The following PLEKHH1 variants were observed in gnomAD, a reference collection of about 807,000 sequenced individuals.
PLEKHH1 encodes the protein pleckstrin homology, MyTH4 and FERM domain containing H1, also known as pleckstrin homology domain-containing family H member 1.
Under a neutral mutation model 160.0 loss-of-function variants are expected in PLEKHH1, and 104 were observed. The observed-to-expected ratio is 0.65, with a 90% confidence interval of 0.55 to 0.76. PLEKHH1 has a LOEUF of 0.76. PLEKHH1 is among the 30% of genes least tolerant of loss of function. The probability of loss-of-function intolerance (pLI) is 0.00; values close to 1 mark genes in which losing one functional copy is unlikely to be tolerated. For missense variants in PLEKHH1, 1,427 were observed against 1,724.1 expected, an observed-to-expected ratio of 0.83 and a Z score of 3.05; for synonymous variants, 619 against 678.4, an observed-to-expected ratio of 0.91 and a Z score of 1.36.
rs377474422 is a variant in PLEKHH1, at chr14:67,562,487, C to T, written c.856C>T (p.Leu286=). Residue 286 remains leucine, a synonymous_variant, in exon 7 of 29, where the codon CTG becomes TTG. Transcript: ENST00000329153. ...RCSSASWGEG[L]VTAQRGMLPG... ...TAGTTCAGCTTCCTGGGGTGAGGGT[C>T]TGGTTACTGCTCAGAGAGGGATGCT... 101 of 1,613,182 alleles carry T rather than the reference C, an allele frequency of 6.3e-5. No homozygotes were observed. The highest frequency in any genetic ancestry group is 8.1e-5 in the Non-Finnish European group (96 of 1,179,320).
rs139753132 is a variant in PLEKHH1 at position 67,559,554 on chromosome 14, A to T, written c.340-54A>T. ...TTCTTGGGGTTTCCCACCTCCAGTCAGTCACTCTCCTGGTGATTGTTGGGA... is the reference window on the plus strand; with the variant it reads ...TTCTTGGGGTTTCCCACCTCCAGTCTGTCACTCTCCTGGTGATTGTTGGGA... On this transcript the variant is annotated intron_variant, in intron 4 of 28. Transcript: ENST00000329153. 208 of 1,272,862 alleles carry T rather than the reference A, an allele frequency of 1.6e-4. 2 individuals carry two copies. The African/African-American group carries it at 2.7e-3, about 17-fold the overall frequency. The allele number at this position is 1,272,862 out of a possible 1,614,324, so 78.8% of individuals were successfully genotyped here.
Position 67,587,348 on chromosome 14 carries a change from C to A in PLEKHH1, c.*113C>A. On this transcript the variant is annotated 3_prime_UTR_variant, in exon 29 of 29. Transcript: ENST00000329153. ...CTAACAGCCCCCGGCTACTCTTGTTCTGTGAAATGTGTATTTTAGTCTCTG... is the reference window on the plus strand; with the variant it reads ...CTAACAGCCCCCGGCTACTCTTGTTATGTGAAATGTGTATTTTAGTCTCTG... 2.5e-6 allele frequency: 3 copies of A among 1,195,340 alleles called. No homozygotes were observed. The highest frequency in any genetic ancestry group is 1.2e-5 in the South Asian group (1 of 81,122). 74.0% of individuals were successfully genotyped at this position (1,195,340 alleles called of 1,614,324 possible). A position where few individuals can be genotyped will look rare whatever the true frequency, so the allele number is the denominator to read the frequency against.
Position 67,579,246 on chromosome 14 carries a change from C to T in PLEKHH1, c.2962C>T (p.Arg988Cys), listed in dbSNP as rs1450079504. Reference protein sequence around the residue: ...SRMEVVSILLRNPFHHSLPFS... With the variant: ...SRMEVVSILLCNPFHHSLPFS... ...CATGGAAGTGGTGTCCATCCTGCTG[C>T]GTAACCCCTTCCACCACTCCTTGCC... is the stretch of plus-strand genomic sequence containing the variant. Residue 988 changes from arginine to cysteine, a missense_variant, in exon 21 of 29, where the codon CGT becomes TGT. Coordinates refer to ENST00000329153, the MANE Select transcript of PLEKHH1 (RefSeq NM_020715.3). The T allele has an allele frequency of 4.4e-6, 7 of 1,605,786 alleles. No homozygotes were observed. Among genetic ancestry groups the T allele is most frequent in the African/African-American group, 2.7e-5 (2 of 74,630 alleles).
At chr14:67,544,068 T>A (rs2034080156) in intron 2 of PLEKHH1, among the ~76,000 whole-genome samples, 1 of 152,104 alleles carries the variant, frequency 6.6e-6, no homozygotes, top group Non-Finnish European at 1.5e-5. Flanking sequence ...GACTTCTGCA[T>A]CAAGTCAGGA....
chr14:67,589,447 G>A lies in PLEKHH1; in HGVS notation c.*2212G>A. Reference sequence around the variant, plus strand: ...GAACTGATATAAAAAAAAATGCTGAGTAACAGAAAAGTATTAATGTGCTTG... The same window carrying A: ...GAACTGATATAAAAAAAAATGCTGAATAACAGAAAAGTATTAATGTGCTTG... On this transcript the variant is annotated 3_prime_UTR_variant, in exon 29 of 29. Transcript: ENST00000329153. 1 of 985,280 alleles carries A rather than the reference G, an allele frequency of 1.0e-6. No homozygotes were observed. Among genetic ancestry groups the A allele is most frequent in the Non-Finnish European group, 1.2e-6 (1 of 829,832 alleles). The allele number at this position is 985,280 out of a possible 1,614,324, so 61.0% of individuals were successfully genotyped here. A position where few individuals can be genotyped will look rare whatever the true frequency, so the allele number is the denominator to read the frequency against.
At chr14:67,558,679 C>T (rs748480957) in intron 4 of PLEKHH1, among the ~76,000 whole-genome samples, 12 of 152,292 alleles carry the variant, frequency 7.9e-5, no homozygotes, top group South Asian at 2.1e-4. Flanking sequence ...TGGTTTTAGT[C>T]CCAGCTGTGC....
At chr14:67,561,886 A>AAAT in intron 5 of PLEKHH1, 68 bp from the exon 6 acceptor site, 1 of 1,108,316 alleles carries the variant, frequency 9.0e-7, no homozygotes, top group Non-Finnish European at 1.3e-6. Flanking sequence ...AAAAAAAAAA[A>AAAT]GAATTGAAAA....
chr14:67,535,370 CTTTTTTTTTTTTTTTTTT>C (rs71129833), intron 1 of PLEKHH1, among the ~76,000 whole-genome samples: 1 of 74,192 alleles, frequency 1.3e-5, no homozygotes, highest in South Asian at 6.6e-4. Flanking sequence ...GTGAGCACAT[CTTTTTTTTTTTTTTTTTT>C]TTTTTTTTTT....
chr14:67,575,780 T>C, intron 15 of PLEKHH1, 43 bp from the exon 16 acceptor site: 1 of 1,506,128 alleles, frequency 6.6e-7, no homozygotes, highest in Non-Finnish European at 9.2e-7. Flanking sequence ...GACTCCCTCA[T>C]CCCCCACTGG....
intron 1 of PLEKHH1, among the ~76,000 whole-genome samples, chr14:67,536,785 G>A (rs2033734763): frequency 6.6e-6 from 1 of 151,940 alleles, no homozygotes; most frequent in Non-Finnish European, 1.5e-5. Flanking sequence ...GCTCACGCCT[G>A]TAATCCCAGC....
rs1472157477 is a variant in PLEKHH1, at chr14:67,559,668, T to C, written c.400T>C (p.Trp134Arg). 6.2e-7 allele frequency: 1 copy of C among 1,606,378 alleles called. No individual in the cohort carries two copies. Among genetic ancestry groups the C allele is most frequent in the East Asian group, 2.2e-5 (1 of 44,668 alleles). The stretch of plus-strand genomic sequence containing the variant: ...AGAAAAAGCTGCAAAGATCAAGGAA[T>C]GGGTGACACTCAAGTTGGCAAAGGT... The part of the protein sequence containing the change: ...VQEKAAKIKE[W>R]VTLKLAKLEM... Residue 134 changes from tryptophan (W) to arginine (R), a missense_variant, in exon 5 of 29, where the codon TGG becomes CGG. Trp to Arg is a moderately radical substitution (Grantham distance 101). This residue lies in a region of PLEKHH1 where 831 missense variants were observed against 929.2 expected (regional missense o/e 0.89). Coordinates refer to ENST00000329153, the MANE Select transcript of PLEKHH1 (RefSeq NM_020715.3).
Position 67,559,656 on chromosome 14 carries a change from A to G in PLEKHH1, c.388A>G (p.Lys130Glu). 1 of 1,606,942 alleles carries G rather than the reference A, an allele frequency of 6.2e-7. No homozygotes were observed. Among genetic ancestry groups the G allele is most frequent in the Non-Finnish European group, 8.5e-7 (1 of 1,176,828 alleles). Residue 130 changes from lysine (K) to glutamate (E), a missense_variant, in exon 5 of 29, where the codon AAG becomes GAG. By Grantham distance (56) the Lys-to-Glu change is moderately conservative. Around this residue, in one of 6 missense-constraint regions of PLEKHH1, gnomAD observed 831 missense variants for 929.2 expected, o/e 0.89. Coordinates refer to ENST00000329153, the MANE Select transcript of PLEKHH1 (RefSeq NM_020715.3). ...AAAAACTGTTCAAGAAAAAGCTGCA[A>G]AGATCAAGGAATGGGTGACACTCAA... ...EAKTVQEKAA[K>E]IKEWVTLKLA...
intron 5 of PLEKHH1, among the ~76,000 whole-genome samples, chr14:67,561,539 G>A (rs1434964934): frequency 2.6e-5 from 4 of 152,096 alleles, no homozygotes; most frequent in African/African-American, 9.7e-5. Context: ...ACTCCAGCCT[G>A]GGTGATAGAG....
chr14:67,536,585 C>G (rs556943560), intron 1 of PLEKHH1, among the ~76,000 whole-genome samples: 45 of 151,932 alleles, frequency 3.0e-4, no homozygotes, highest in Admixed American at 2.2e-3. Context: ...CTGTGGTGAC[C>G]TCTGACCTCT....
At chr14:67,585,229 C>T in intron 26 of PLEKHH1, 1 of 196,514 alleles carries the variant, frequency 5.1e-6, no homozygotes. Context: ...CCCCATTCCC[C>T]TAACAGAGCA....
intron 1 of PLEKHH1, among the ~76,000 whole-genome samples, chr14:67,535,907 A>G (rs552854959): frequency 3.9e-5 from 6 of 152,322 alleles, no homozygotes; most frequent in African/African-American, 1.4e-4. Flanking sequence ...GTTCAACCAA[A>G]TATTATTGTC....
At chr14:67,584,843 T>C (rs751073009) in intron 26 of PLEKHH1, among the ~76,000 whole-genome samples, 21 of 152,232 alleles carry the variant, frequency 1.4e-4, no homozygotes, top group Non-Finnish European at 2.1e-4. Flanking sequence ...TTAATATATA[T>C]TTATAAGCCA....
At chr14:67,584,300 C>T (rs2036044346) in intron 26 of PLEKHH1, among the ~76,000 whole-genome samples, 176 bp downstream of exon 26, 1 of 152,208 alleles carries the variant, frequency 6.6e-6, no homozygotes, top group African/African-American at 2.4e-5. Context: ...ATTGTGATTG[C>T]TTATCTTCAT....
rs916900514 is a variant in PLEKHH1 at position 67,578,737 on chromosome 14, G to C, written c.2849+106G>C. ...GCAGACCAGATCACTCCTGTCCTCTGAAACCGCTCAGTGGTCGTGGAGACT... is the reference window on the plus strand; with the variant it reads ...GCAGACCAGATCACTCCTGTCCTCTCAAACCGCTCAGTGGTCGTGGAGACT... On this transcript the variant is annotated intron_variant, in intron 20 of 28. Transcript: ENST00000329153. This position sits in a 1 kb window ranked among gnomAD's most constrained non-coding sequence, Gnocchi z 5.0. 3 of 761,950 alleles carry C rather than the reference G, an allele frequency of 3.9e-6. No homozygotes were observed. In the Admixed American group the frequency reaches 6.0e-5, roughly 15 times the overall value. 47.2% of individuals were successfully genotyped at this position (761,950 alleles called of 1,614,324 possible). A position where few individuals can be genotyped will look rare whatever the true frequency, so the allele number is the denominator to read the frequency against.
Sources: gnomAD v4.1 joint callset for allele counts (sites outside exome capture counted in the v4.1 genomes callset) on GRCh38, gnomAD v4.1.1 for gene constraint, gnomAD v4.1.1 regional missense constraint, Gnocchi (gnomAD v3.1) non-coding constraint, MANE v1.5 for transcripts, NCBI Gene and HGNC (gene_info 2026-07-23, HGNC 2026-07-21) for gene names.